PRDM16: variants seen among roughly 807,000 people sequenced by gnomAD.
PRDM16 encodes the protein histone-lysine N-methyltransferase PRDM16.
A neutral mutation model predicts 110.6 loss-of-function variants in PRDM16; 23 were observed. The ratio of observed to expected loss-of-function variants is 0.21; its 90% CI spans 0.15 to 0.29. The LOEUF (loss-of-function observed/expected upper bound fraction) is 0.29, where lower values mean the gene tolerates loss of function less well. Ranked by LOEUF, PRDM16 falls within the 10% of genes least tolerant of loss-of-function variation. The pLI is 1.00. For missense variants in PRDM16, 1,615 were observed against 1,794.3 expected (o/e 0.90, Z 1.81); for synonymous variants, 799 against 781.8 (o/e 1.02, Z -0.37).
chr1:3,255,521 A>G lies in PRDM16; in HGVS notation c.438+11384A>G, dbSNP rs1426714915. Among the ~76,000 whole-genome samples the G allele has an allele frequency of 6.6e-6, 1 of 151,876 alleles. No homozygotes were observed. The highest frequency in any genetic ancestry group is 2.4e-5 in the African/African-American group (1 of 41,344). ...GCGGAGTCCTGGGAGGAGGTGTGGC[A>G]TTCATCTGTGGCCACAGTGGCACGG... On this transcript the variant is annotated intron_variant, in intron 3 of 16. Coordinates refer to ENST00000270722, the MANE Select transcript of PRDM16 (RefSeq NM_022114.4). The surrounding 1 kb of genome is among the most constrained non-coding windows in gnomAD (Gnocchi z 4.7).
At chr1:3,115,449 G>T (rs2100651185) in intron 1 of PRDM16, among the ~76,000 whole-genome samples, 1 of 152,350 alleles carries the variant, frequency 6.6e-6, no homozygotes, top group African/African-American at 2.4e-5. Flanking sequence ...GCTTGAGAGA[G>T]ATTGGACTAA....
Position 3,425,487 on chromosome 1 carries a change from G to A in PRDM16, c.2940-94G>A. 7.2e-7 allele frequency: 1 copy of A among 1,382,534 alleles called. No homozygotes were observed. Among genetic ancestry groups the A allele is most frequent in the Non-Finnish European group, 1.0e-6 (1 of 1,002,730 alleles). The allele number at this position is 1,382,534 out of a possible 1,614,324, so 85.6% of individuals were successfully genotyped here. ...GGCAAAGCTGTGCACGGGGCACGGG[G>A]CAGGGGCGCGGGCTCCCTTCCCCCC... On this transcript the variant is annotated intron_variant, in intron 12 of 16. Coordinates refer to ENST00000270722, the MANE Select transcript of PRDM16 (RefSeq NM_022114.4). The surrounding 1 kb of genome is among the most constrained non-coding windows in gnomAD (Gnocchi z 6.9).
intron 7 of PRDM16, among the ~76,000 whole-genome samples, chr1:3,405,218 C>T (rs927300495): frequency 1.3e-5 from 2 of 152,216 alleles, no homozygotes; most frequent in African/African-American, 4.8e-5. Flanking sequence ...GGTCTCAGCA[C>T]CACAGCTGAA....
intron 3 of PRDM16, among the ~76,000 whole-genome samples, chr1:3,261,560 G>A (rs1640165266): frequency 6.6e-6 from 1 of 152,120 alleles, no homozygotes; most frequent in African/African-American, 2.4e-5. Context: ...CGGCAAACAG[G>A]CCCTGGAGCA....
chr1:3,381,340 A>G (rs1643098119), intron 3 of PRDM16, among the ~76,000 whole-genome samples: 1 of 149,632 alleles, frequency 6.7e-6, no homozygotes, highest in Admixed American at 6.6e-5. Context: ...CCAGGGATTT[A>G]TTGGGGAGAG....
chr1:3,211,601 G>T (rs1319454544), intron 2 of PRDM16, among the ~76,000 whole-genome samples: 1 of 152,206 alleles, frequency 6.6e-6, no homozygotes, highest in African/African-American at 2.4e-5. Flanking sequence ...TTGTCTCAAG[G>T]CCCCGGCCTC....
chr1:3,343,376 C>T (rs775498331), intron 3 of PRDM16, among the ~76,000 whole-genome samples: 5 of 151,050 alleles, frequency 3.3e-5, no homozygotes, highest in Admixed American at 1.3e-4. Flanking sequence ...GATACAAGTC[C>T]TTAGTCGTTT....
rs751790269 is a variant in PRDM16 at position 3,209,591 on chromosome 1, G to A, written c.387+23117G>A. On this transcript the variant is annotated intron_variant, in intron 2 of 16. Transcript: ENST00000270722. The surrounding 1 kb of genome is among the most constrained non-coding windows in gnomAD (Gnocchi z 4.6). ...CTGTGGGTGCGCGTGGAAGCTGAGCGCCTCAGTGGAATGTCCTGGAACCTC... is the reference window on the plus strand; with the variant it reads ...CTGTGGGTGCGCGTGGAAGCTGAGCACCTCAGTGGAATGTCCTGGAACCTC... Among the ~76,000 whole-genome samples, 8 of 152,216 alleles carry A rather than the reference G, an allele frequency of 5.3e-5. No homozygotes were observed. Among genetic ancestry groups the A allele is most frequent in the Non-Finnish European group, 1.2e-4 (8 of 68,034 alleles).
intron 14 of PRDM16, 150 bp downstream of exon 14, chr1:3,426,375 C>T (rs935439345): frequency 8.5e-6 from 5 of 585,706 alleles, no homozygotes; most frequent in African/African-American, 5.6e-5. Context: ...GGGTGAGGCC[C>T]CTGGGCTCTG....
chr1:3,430,973 A>G lies in PRDM16; in HGVS notation c.3386A>G (p.Asp1129Gly). Residue 1129 changes from aspartate (D) to glycine (G), a missense_variant, in exon 15 of 17, where the codon GAC becomes GGC. Around this residue, in one of 5 missense-constraint regions of PRDM16, gnomAD observed 327 missense variants for 359.3 expected, o/e 0.91. Transcript: ENST00000270722. ...GAGGACGACGATGACCTGGAGGAGG[A>G]CGATGAGGACAGCCTGGCCGGGAAG... ...EEEDDDDLEEDDEDSLAGKSQ... is the reference protein window; with the variant it reads ...EEEDDDDLEEGDEDSLAGKSQ... The G allele has an allele frequency of 1.9e-6, 3 of 1,611,514 alleles. No individual in the cohort carries two copies. The highest frequency in any genetic ancestry group is 2.5e-6 in the Non-Finnish European group (3 of 1,178,810).
chr1:3,419,452 GC>G (rs926023979), intron 12 of PRDM16, among the ~76,000 whole-genome samples: 4 of 152,200 alleles, frequency 2.6e-5, no homozygotes, highest in African/African-American at 9.6e-5. Flanking sequence ...AAGATGAGGG[GC>G]CCGAGGCTCA....
In PRDM16 at chr1:3,245,263, T is replaced by C. The variant is rs1429038416; in HGVS notation, c.438+1126T>C. ...GTTCAAGTCATCAATACTCCATTTT[T>C]CCCCCAAAGTCAAAGGAAAGTGCTG... On this transcript the variant is annotated intron_variant, in intron 3 of 16. Transcript: ENST00000270722. The surrounding 1 kb of genome is among the most constrained non-coding windows in gnomAD (Gnocchi z 4.7). Among the ~76,000 whole-genome samples the C allele has an allele frequency of 1.3e-5, 2 of 151,910 alleles. No homozygotes were observed. Among genetic ancestry groups the C allele is most frequent in the Non-Finnish European group, 2.9e-5 (2 of 67,996 alleles).
chr1:3,169,876 G>T (rs371943411), intron 1 of PRDM16, among the ~76,000 whole-genome samples: 1 of 152,230 alleles, frequency 6.6e-6, no homozygotes, highest in African/African-American at 2.4e-5. Flanking sequence ...CTTTGTCAGG[G>T]TGATTAATAG....
At chr1:3,320,585 G>C (rs1435391253) in intron 3 of PRDM16, among the ~76,000 whole-genome samples, 1 of 152,200 alleles carries the variant, frequency 6.6e-6, no homozygotes, top group Non-Finnish European at 1.5e-5. Flanking sequence ...CCCGGACACA[G>C]AGAGGGGCAG....
chr1:3,391,968 CTCGGGGA>C (rs1643308300), intron 4 of PRDM16, among the ~76,000 whole-genome samples: 2 of 152,250 alleles, frequency 1.3e-5, no homozygotes, highest in South Asian at 2.1e-4. Context: ...GGCCTCGGGG[CTCGGGGA>C]TCATCACAGC....
intron 1 of PRDM16, among the ~76,000 whole-genome samples, chr1:3,156,304 C>T (rs925844115): frequency 1.3e-5 from 2 of 152,032 alleles, no homozygotes; most frequent in African/African-American, 2.4e-5. Flanking sequence ...TAATTGTGAT[C>T]GGTTTGATTT....
In PRDM16 at chr1:3,181,781, CA is replaced by C. The variant is rs1341380004; in HGVS notation, c.38-4343del. 3.3e-3 allele frequency among the ~76,000 whole-genome samples: 421 copies of C among 128,972 alleles called. 5 individuals are homozygous for C. Among genetic ancestry groups the C allele is most frequent in the African/African-American group, 1.3e-3 (43 of 32,790 alleles). The allele number at this position is 128,972 out of a possible 152,430, so 84.6% of individuals were successfully genotyped here. A position where few individuals can be genotyped will look rare whatever the true frequency, so the allele number is the denominator to read the frequency against. ...GGTCTTACACACAGTCTTACACATG[CA>C]GTCTTACACATGCAGTCTTACACAC... On this transcript the variant is annotated intron_variant, in intron 1 of 16. Coordinates refer to ENST00000270722, the MANE Select transcript of PRDM16 (RefSeq NM_022114.4).
Position 3,244,357 on chromosome 1 carries a change from T to A in PRDM16, c.438+220T>A, listed in dbSNP as rs2100913870. Among the ~76,000 whole-genome samples, 1 of 152,080 alleles carries A rather than the reference T, an allele frequency of 6.6e-6. No homozygotes were observed. Among genetic ancestry groups the A allele is most frequent in the Non-Finnish European group, 1.5e-5 (1 of 67,984 alleles). On this transcript the variant is annotated intron_variant, in intron 3 of 16. Coordinates refer to ENST00000270722, the MANE Select transcript of PRDM16 (RefSeq NM_022114.4). The surrounding 1 kb of genome is among the most constrained non-coding windows in gnomAD (Gnocchi z 4.1). ...AGGTGGGGGTCATGTCGCCGTAGGG[T>A]CACAGGTACAGGGCCATCCGCCACT...
intron 3 of PRDM16, among the ~76,000 whole-genome samples, chr1:3,253,957 T>C (rs1240480911): frequency 2.6e-5 from 4 of 152,222 alleles, no homozygotes; most frequent in Admixed American, 6.5e-5. Flanking sequence ...CTCTGATGGC[T>C]GGTGATGGTG....
Sources: gnomAD v4.1 joint callset for allele counts (sites outside exome capture counted in the v4.1 genomes callset) on GRCh38, gnomAD v4.1.1 for gene constraint, gnomAD v4.1.1 regional missense constraint, Gnocchi (gnomAD v3.1) non-coding constraint, MANE v1.5 for transcripts, NCBI Gene and HGNC (gene_info 2026-07-23, HGNC 2026-07-21) for gene names.